ADAM22: variants seen among roughly 807,000 people sequenced by gnomAD.
ADAM22 encodes the protein ADAM metallopeptidase domain 22, also known as disintegrin and metalloproteinase domain-containing protein 22.
Under a neutral mutation model 144.6 loss-of-function variants are expected in ADAM22, and 65 were observed. That is an observed-to-expected ratio of 0.45 (90% CI 0.37 to 0.55). ADAM22 has a LOEUF of 0.55. Among genes scored for constraint, ADAM22 ranks in the 20% least tolerant of loss-of-function variants. The pLI, the probability that ADAM22 is intolerant of heterozygous loss-of-function variation, is 0.00. For synonymous variants in ADAM22, 391 were observed against 412.6 expected (o/e 0.95, Z 0.63); for missense variants, 974 against 1,184.9 (o/e 0.82, Z 2.61).
At position 88,019,782 on chromosome 7, in the gene ADAM22, G is replaced by C. The variant is rs773000538; in HGVS notation, c.323+41370G>C. 2.0e-5 allele frequency among the ~76,000 whole-genome samples: 3 copies of C among 151,834 alleles called. 1 individual carries two copies. The highest frequency in any genetic ancestry group is 4.4e-5 in the Non-Finnish European group (3 of 67,958). On this transcript the variant is annotated intron_variant, in intron 3 of 31. Coordinates refer to ENST00000413139, the MANE Select transcript of ADAM22 (RefSeq NM_001324418.2). Reference sequence around the variant, plus strand: ...GGAGAATCACCTGAACCTGGGAGGCGGAGGTTGCAGTGAGCCGAGGTTGTG... The same window carrying C: ...GGAGAATCACCTGAACCTGGGAGGCCGAGGTTGCAGTGAGCCGAGGTTGTG...
chr7:87,936,869 T>TAG lies in ADAM22; in HGVS notation c.246+1684_246+1685insGA, dbSNP rs201632535. Among the ~76,000 whole-genome samples the TAG allele has an allele frequency of 1.0e-2, 1,500 of 150,414 alleles. 18 individuals are homozygous for TAG. Among genetic ancestry groups the TAG allele is most frequent in the African/African-American group, 0.031 (1,279 of 40,832 alleles). ...TGTGTATATATATTATATATATATA[T>TAG]ATAGAGAGAGAGAGTATATTTAGAG... On this transcript the variant is annotated intron_variant, in intron 2 of 31. Coordinates refer to ENST00000413139, the MANE Select transcript of ADAM22 (RefSeq NM_001324418.2).
Position 88,131,835 on chromosome 7 carries a change from C to G in ADAM22, c.992+400C>G, listed in dbSNP as rs565845210. 1.7e-3 allele frequency: 301 copies of G among 180,858 alleles called. 3 individuals carry two copies. The highest frequency in any genetic ancestry group is 6.5e-3 in the African/African-American group (278 of 42,728). 11.2% of individuals were successfully genotyped at this position (180,858 alleles called of 1,614,324 possible). ...TTCTGGAATTTATTTTTAATTTTTT[C>G]TCACTCTTATGTTCTTTTTTTGATA... On this transcript the variant is annotated intron_variant, in intron 11 of 31. Transcript: ENST00000413139.
At position 88,113,703 on chromosome 7, in the gene ADAM22, A is replaced by ATAT. The variant is rs1554478728; in HGVS notation, c.474-881_474-880insTAT. ...TATATATATTATAAATAAATAAATA[A>ATAT]ATATATATATATATATATATATATA... On this transcript the variant is annotated intron_variant, in intron 5 of 31. Coordinates refer to ENST00000413139, the MANE Select transcript of ADAM22 (RefSeq NM_001324418.2). Among the ~76,000 whole-genome samples, 126 of 48,068 alleles carry ATAT rather than the reference A, an allele frequency of 2.6e-3. 1 individual carries two copies. The highest frequency in any genetic ancestry group is 6.7e-3 in the African/African-American group (83 of 12,470). The allele number at this position is 48,068 out of a possible 152,430, so 31.5% of individuals were successfully genotyped here. A position where few individuals can be genotyped will look rare whatever the true frequency, so the allele number is the denominator to read the frequency against.
chr7:87,998,449 G>A (rs776091061), intron 3 of ADAM22, among the ~76,000 whole-genome samples: 8 of 152,096 alleles, frequency 5.3e-5, no homozygotes, highest in Non-Finnish European at 7.4e-5. Flanking sequence ...AGAGTGCAGT[G>A]GAACAATCTC....
At chr7:88,116,948 C>G in intron 7 of ADAM22, 134 bp downstream of exon 7, 1 of 627,390 alleles carries the variant, frequency 1.6e-6, no homozygotes, top group Non-Finnish European at 2.7e-6. Flanking sequence ...AGAGCCAAGT[C>G]ACGTCAAGAG....
chr7:88,028,971 C>T (rs973366649), intron 3 of ADAM22, among the ~76,000 whole-genome samples: 4 of 151,810 alleles, frequency 2.6e-5, no homozygotes, highest in Non-Finnish European at 2.9e-5. Context: ...CACTCAATGC[C>T]ATTTTAATTT....
intron 7 of ADAM22, 37 bp downstream of exon 7, chr7:88,116,851 C>G: frequency 6.9e-7 from 1 of 1,451,546 alleles, no homozygotes; most frequent in East Asian, 2.3e-5. Context: ...ATCTAAAAGA[C>G]AACTTCAGTA....
intron 3 of ADAM22, among the ~76,000 whole-genome samples, chr7:88,055,144 C>T (rs1382859850): frequency 6.6e-6 from 1 of 151,586 alleles, no homozygotes; most frequent in Admixed American, 6.6e-5. Context: ...TCCCATTTTC[C>T]TTCTTGCTCA....
In ADAM22 at chr7:87,947,821, C is replaced by T. The variant is rs116177965; in HGVS notation, c.246+12635C>T. Among the ~76,000 whole-genome samples, 409 of 152,212 alleles carry T rather than the reference C, an allele frequency of 2.7e-3. 1 individual carries two copies. Among genetic ancestry groups the T allele is most frequent in the African/African-American group, 9.5e-3 (394 of 41,528 alleles). ...TAAAAATTATTTTAATTTAATTACA[C>T]GCAATAACATGGAATGAAGGCATGG... On this transcript the variant is annotated intron_variant, in intron 2 of 31. Transcript: ENST00000413139.
chr7:87,964,996 TTCTC>T (rs1469487003), intron 2 of ADAM22, among the ~76,000 whole-genome samples: 1 of 152,222 alleles, frequency 6.6e-6, no homozygotes, highest in East Asian at 1.9e-4. Context: ...CTCTCTTTCT[TTCTC>T]TTACAGACAC....
At chr7:88,106,339 C>A (rs923169992) in intron 4 of ADAM22, among the ~76,000 whole-genome samples, 2 of 152,180 alleles carry the variant, frequency 1.3e-5, no homozygotes, top group African/African-American at 4.8e-5. Context: ...CTCTCCACCC[C>A]CTCCCCAAAG....
chr7:88,069,213 CTCCTTCTCTCCCTT>C (rs552389837), intron 3 of ADAM22, among the ~76,000 whole-genome samples: 3 of 151,854 alleles, frequency 2.0e-5, no homozygotes, highest in Non-Finnish European at 4.4e-5. Context: ...CCCTATGTTT[CTCCTTCTCTCCCTT>C]TCCTTCTCTC....
At chr7:88,170,150 A>G (rs1446455038) in intron 25 of ADAM22, among the ~76,000 whole-genome samples, 1 of 152,022 alleles carries the variant, frequency 6.6e-6, no homozygotes, top group Non-Finnish European at 1.5e-5. Flanking sequence ...CTGGAAACTC[A>G]TTTAAGTTGA....
chr7:88,009,615 T>G (rs1794901973), intron 3 of ADAM22, among the ~76,000 whole-genome samples: 1 of 152,208 alleles, frequency 6.6e-6, no homozygotes, highest in Non-Finnish European at 1.5e-5. Context: ...AAAGTGCATT[T>G]ATATTGATTT....
intron 3 of ADAM22, among the ~76,000 whole-genome samples, chr7:88,022,424 T>G (rs1202565914): frequency 6.6e-6 from 1 of 152,180 alleles, no homozygotes; most frequent in African/African-American, 2.4e-5. Flanking sequence ...AACAGTGAGA[T>G]TTTGGTCAAG....
chr7:88,050,744 A>G (rs969991268), intron 3 of ADAM22, among the ~76,000 whole-genome samples: 2 of 152,070 alleles, frequency 1.3e-5, no homozygotes, highest in African/African-American at 2.4e-5. Context: ...AGTTCTTTGT[A>G]GATTCTGGAT....
chr7:88,194,411 C>T (rs1304046269), intron 31 of ADAM22, among the ~76,000 whole-genome samples: 2 of 152,158 alleles, frequency 1.3e-5, no homozygotes, highest in Non-Finnish European at 2.9e-5. Context: ...TTGTTCTATG[C>T]ACTGTGGAAC....
At chr7:87,992,132 G>T (rs1322969831) in intron 3 of ADAM22, among the ~76,000 whole-genome samples, 2 of 152,164 alleles carry the variant, frequency 1.3e-5, no homozygotes, top group Non-Finnish European at 2.9e-5. Context: ...ATCTTGCCTG[G>T]TTAAAGGGCT....
intron 2 of ADAM22, among the ~76,000 whole-genome samples, chr7:87,938,924 C>T (rs1841922664): frequency 6.6e-6 from 1 of 152,338 alleles, no homozygotes; most frequent in East Asian, 1.9e-4. Flanking sequence ...GCTGGGATTA[C>T]AGGCGTGAAC....
Sources: gnomAD v4.1 joint callset for allele counts (sites outside exome capture counted in the v4.1 genomes callset) on GRCh38, gnomAD v4.1.1 for gene constraint, MANE v1.5 for transcripts, NCBI Gene and HGNC (gene_info 2026-07-23, HGNC 2026-07-21) for gene names.